Variants in SRD5A2 observed in about 807,000 individuals in gnomAD.
SRD5A2 encodes steroid 5 alpha-reductase 2, also known as 3-oxo-5-alpha-steroid 4-dehydrogenase 2.
In SRD5A2, 30 loss-of-function variants were observed where a neutral mutation model predicts 27.4. That is an observed-to-expected ratio of 1.10 (90% CI 0.82 to 1.49). The LOEUF (loss-of-function observed/expected upper bound fraction) is 1.49, where lower values mean the gene tolerates loss of function less well. Among genes scored for constraint, SRD5A2 ranks in the 40% most tolerant of loss-of-function variants. The pLI is 0.00. For synonymous variants in SRD5A2, 141 were observed against 133.6 expected, an observed-to-expected ratio of 1.06 and a Z score of -0.38; for missense variants, 348 against 323.4, an observed-to-expected ratio of 1.08 and a Z score of -0.58.
chr2:31,633,018 T>TA, the SRD5A2 span, among the ~76,000 whole-genome samples: 2 of 152,002 alleles, frequency 1.3e-5, no homozygotes, highest in Non-Finnish European at 2.9e-5. Context: ...GTGGCAGTCT[T>TA]ACACTGCCGG....
At chr2:31,615,383 C>T in the SRD5A2 span, among the ~76,000 whole-genome samples, 1 of 152,130 alleles carries the variant, frequency 6.6e-6, no homozygotes, top group Non-Finnish European at 1.5e-5. Flanking sequence ...CAGGCTGAGG[C>T]AGTCTCAGAT....
At chr2:31,651,264 T>A in the SRD5A2 span, 6 of 152,450 alleles carry the variant, frequency 3.9e-5, 2 homozygotes, top group Non-Finnish European at 8.8e-5. Flanking sequence ...GGAAATCTAA[T>A]CTAAAAAAAT....
chr2:31,563,182 G>T (rs1032468020), intron 1 of SRD5A2: 5 of 152,016 alleles, frequency 3.3e-5, no homozygotes, highest in Non-Finnish European at 7.4e-5. Context: ...ACGTCCCAAA[G>T]CATTACACGT....
At chr2:31,578,451 C>T (rs1404996433) in intron 1 of SRD5A2, among the ~76,000 whole-genome samples, 3 of 152,112 alleles carry the variant, frequency 2.0e-5, no homozygotes, top group Non-Finnish European at 4.4e-5. Flanking sequence ...TCCAGTTTTC[C>T]ACCTGCAAAA....
chr2:31,575,202 A>G (rs1261147310), intron 1 of SRD5A2, among the ~76,000 whole-genome samples: 2 of 152,222 alleles, frequency 1.3e-5, no homozygotes, highest in African/African-American at 4.8e-5. Flanking sequence ...GATTCTCAGC[A>G]GATGAGTAGT....
At chr2:31,581,699 G>A (rs1419090653), upstream of SRD5A2, among the ~76,000 whole-genome samples, 1 of 152,038 alleles carries the variant, frequency 6.6e-6, no homozygotes, top group African/African-American at 2.4e-5. Flanking sequence ...GTCCTCTCCC[G>A]CCACCCCACT....
chr2:31,542,714 A>T (rs1666153991), intron 1 of SRD5A2, among the ~76,000 whole-genome samples: 1 of 152,186 alleles, frequency 6.6e-6, no homozygotes, highest in Admixed American at 6.5e-5. Context: ...AGAGAACTCA[A>T]AGATAAGGCA....
At chr2:31,661,641 AC>A in the SRD5A2 span, among the ~76,000 whole-genome samples, 1 of 152,182 alleles carries the variant, frequency 6.6e-6, no homozygotes, top group African/African-American at 2.4e-5. Context: ...GTTGACTCTT[AC>A]GTTATTTAGT....
chr2:31,610,289 C>G, the SRD5A2 span, among the ~76,000 whole-genome samples: 2 of 152,062 alleles, frequency 1.3e-5, no homozygotes, highest in Non-Finnish European at 2.9e-5. Context: ...AAAAAGCTAG[C>G]AAACTAAATT....
At chr2:31,596,919 C>T in the SRD5A2 span, among the ~76,000 whole-genome samples, 2 of 152,048 alleles carry the variant, frequency 1.3e-5, no homozygotes, top group Non-Finnish European at 2.9e-5. Context: ...ACCACCCTGC[C>T]AAAAGCAATC....
rs121434245 is a variant in SRD5A2, at chr2:31,580,737, A to T, written c.164T>A (p.Leu55Gln). The change falls in exon 1 of 5, where the codon CTG becomes CAG. Residue 55 changes from leucine to glutamine, a missense_variant. Transcript: ENST00000622030. ...CACCGCGAAGGAAGGCAGCTCCTGCAGGAACCAGGCGGCGCGGGCTGGCAG... is the reference window on the plus strand; with the variant it reads ...CACCGCGAAGGAAGGCAGCTCCTGCTGGAACCAGGCGGCGCGGGCTGGCAG... ...TRLPARAAWF[L>Q]QELPSFAVPA... The T allele has an allele frequency of 6.2e-7, 1 of 1,609,420 alleles. No homozygotes were observed.
At chr2:31,529,172 A>G in intron 4 of SRD5A2, 135 bp downstream of exon 4, 1 of 1,273,494 alleles carries the variant, frequency 7.9e-7, no homozygotes. Context: ...AGAATATGCT[A>G]ACCCAGATTA....
intron 1 of SRD5A2, among the ~76,000 whole-genome samples, chr2:31,547,899 A>G (rs1256210137): frequency 1.3e-5 from 2 of 152,132 alleles, no homozygotes; most frequent in South Asian, 2.1e-4. Context: ...ATATAGTTAG[A>G]TAGATACAGA....
intron 1 of SRD5A2, among the ~76,000 whole-genome samples, chr2:31,559,651 A>C (rs936198131): frequency 6.6e-6 from 1 of 152,218 alleles, no homozygotes; most frequent in Non-Finnish European, 1.5e-5. Flanking sequence ...GATGGCCTAA[A>C]ATTTAAAGAA....
At chr2:31,595,681 A>T in the SRD5A2 span, among the ~76,000 whole-genome samples, 1 of 152,156 alleles carries the variant, frequency 6.6e-6, no homozygotes, top group Non-Finnish European at 1.5e-5. Flanking sequence ...AGAGAAAGAG[A>T]GAGTCCTCCC....
the SRD5A2 span, among the ~76,000 whole-genome samples, chr2:31,648,756 G>A: frequency 2.0e-5 from 3 of 152,244 alleles, no homozygotes; most frequent in East Asian, 1.9e-4. Context: ...TTACGAACAC[G>A]GCTGTTCTTT....
chr2:31,615,877 T>C, the SRD5A2 span, among the ~76,000 whole-genome samples: 2 of 152,148 alleles, frequency 1.3e-5, no homozygotes, highest in African/African-American at 2.4e-5. Context: ...GCCTAGGGAC[T>C]TGGTGTCCTG....
At chr2:31,613,319 T>C in the SRD5A2 span, among the ~76,000 whole-genome samples, 1 of 151,838 alleles carries the variant, frequency 6.6e-6, no homozygotes, top group Non-Finnish European at 1.5e-5. Flanking sequence ...ACTCAATGGA[T>C]AAAAAAGCAA....
intron 1 of SRD5A2, among the ~76,000 whole-genome samples, chr2:31,547,205 A>G (rs1666280394): frequency 6.6e-6 from 1 of 152,266 alleles, no homozygotes; most frequent in Non-Finnish European, 1.5e-5. Flanking sequence ...ATATATGGTT[A>G]AATGATTTTT....
Sources: allele counts gnomAD v4.1 joint callset (sites outside exome capture counted in the v4.1 genomes callset), GRCh38; gene constraint gnomAD v4.1.1; transcripts MANE v1.5; gene names NCBI Gene and HGNC (gene_info 2026-07-23, HGNC 2026-07-21).